TSHZ2: variants seen among roughly 807,000 people sequenced by gnomAD.
The protein encoded by TSHZ2 is teashirt homolog 2.
In TSHZ2, 21 loss-of-function variants were observed where a neutral mutation model predicts 74.4. The observed-to-expected ratio is 0.28, with a 90% CI of 0.20 to 0.41. The LOEUF is 0.41. Ranked by LOEUF, TSHZ2 falls within the 10% of genes least tolerant of loss-of-function variation. The pLI, the probability that TSHZ2 is intolerant of heterozygous loss-of-function variation, is 1.00. For missense variants in TSHZ2, 1,244 were observed against 1,293.5 expected (o/e 0.96, Z 0.59); for synonymous variants, 540 against 515.3 (o/e 1.05, Z -0.65).
intron 1 of TSHZ2, among the ~76,000 whole-genome samples, chr20:52,978,063 C>T (rs1568701288): frequency 6.6e-6 from 1 of 152,166 alleles, no homozygotes; most frequent in Non-Finnish European, 1.5e-5. Context: ...CCTGAAGCAG[C>T]TTGACTTTTG....
chr20:53,240,710 A>AGATT (rs1568829522), intron 1 of TSHZ2, among the ~76,000 whole-genome samples: 1 of 140,250 alleles, frequency 7.1e-6, no homozygotes. Context: ...GCATTAAAAT[A>AGATT]GATAGATAGA....
chr20:53,144,228 C>T, intron 1 of TSHZ2, among the ~76,000 whole-genome samples: 1 of 152,176 alleles, frequency 6.6e-6, no homozygotes, highest in East Asian at 1.9e-4. Context: ...GACTCCTAAA[C>T]CATAGTTTCT....
At chr20:53,430,177 T>C (rs1382512500) in intron 2 of TSHZ2, among the ~76,000 whole-genome samples, 1 of 152,176 alleles carries the variant, frequency 6.6e-6, no homozygotes, top group East Asian at 1.9e-4. Context: ...CTGTGTTGGC[T>C]CACTGCAACC....
chr20:52,983,840 A>G (rs929973063), intron 1 of TSHZ2, among the ~76,000 whole-genome samples: 1 of 152,150 alleles, frequency 6.6e-6, no homozygotes, highest in African/African-American at 2.4e-5. Flanking sequence ...CCTGAGGTTC[A>G]GCCTCTCCCT....
At chr20:53,109,704 G>A (rs1001086989) in intron 1 of TSHZ2, among the ~76,000 whole-genome samples, 4 of 152,218 alleles carry the variant, frequency 2.6e-5, no homozygotes, top group Middle Eastern at 3.4e-3. Context: ...ATGTAGTTGC[G>A]GCTGCTGTTG....
At chr20:53,483,875 T>C (rs1004619676) in intron 2 of TSHZ2, among the ~76,000 whole-genome samples, 13 of 152,320 alleles carry the variant, frequency 8.5e-5, no homozygotes, top group Middle Eastern at 3.4e-3. Context: ...TGATTTAATG[T>C]GGAGCCACTT....
At chr20:53,270,101 G>C (rs1038324733) in intron 2 of TSHZ2, among the ~76,000 whole-genome samples, 1 of 152,130 alleles carries the variant, frequency 6.6e-6, no homozygotes, top group Admixed American at 6.5e-5. Context: ...GTATGGTGGA[G>C]ATGCCTTTGG....
At chr20:53,167,811 C>T (rs907172146) in intron 1 of TSHZ2, among the ~76,000 whole-genome samples, 4 of 152,028 alleles carry the variant, frequency 2.6e-5, no homozygotes, top group Admixed American at 1.3e-4. Flanking sequence ...TTACGTCCCC[C>T]GTAGAGTCAT....
chr20:53,073,903 T>G (rs1600677153), intron 1 of TSHZ2, among the ~76,000 whole-genome samples: 1 of 152,242 alleles, frequency 6.6e-6, no homozygotes, highest in Non-Finnish European at 1.5e-5. Flanking sequence ...AAGTAGACAC[T>G]ATTAATTATA....
At chr20:53,436,812 A>G (rs1165155907) in intron 2 of TSHZ2, among the ~76,000 whole-genome samples, 1 of 151,852 alleles carries the variant, frequency 6.6e-6, no homozygotes, top group Admixed American at 6.6e-5. Flanking sequence ...CGGCCTCCCA[A>G]GGTGCTGGGA....
At chr20:53,378,397 C>T (rs1164972050) in intron 2 of TSHZ2, among the ~76,000 whole-genome samples, 1 of 150,372 alleles carries the variant, frequency 6.7e-6, no homozygotes, top group Non-Finnish European at 1.5e-5. Flanking sequence ...TAATGCAGAG[C>T]ACAAGCTAAA....
intron 1 of TSHZ2, among the ~76,000 whole-genome samples, chr20:53,235,253 T>A (rs1415450172): frequency 6.6e-6 from 1 of 152,030 alleles, no homozygotes; most frequent in East Asian, 1.9e-4. Context: ...CTGCAACCTC[T>A]GCCTCTTGGG....
rs1278893509 is a variant in TSHZ2, at chr20:53,227,771, C to A, written c.41-25728C>A. Among the ~76,000 whole-genome samples, 4 of 152,096 alleles carry A rather than the reference C, an allele frequency of 2.6e-5. No homozygotes were observed. In the East Asian group the frequency reaches 7.7e-4, roughly 29 times the overall value. ...TTGCTCTGATACACTAAACATTTGT[C>A]TGATGTTAGTTGAACTTGAATGGAT... On this transcript the variant is annotated intron_variant, in intron 1 of 2. Transcript: ENST00000371497.
At chr20:53,444,640 CTG>C (rs1477522651) in intron 2 of TSHZ2, among the ~76,000 whole-genome samples, 6 of 152,232 alleles carry the variant, frequency 3.9e-5, no homozygotes, top group African/African-American at 9.6e-5. Context: ...GCCTCCTCAA[CTG>C]TGCAAACCCG....
At chr20:53,425,856 A>G (rs1443776902) in intron 2 of TSHZ2, among the ~76,000 whole-genome samples, 1 of 151,994 alleles carries the variant, frequency 6.6e-6, no homozygotes, top group Non-Finnish European at 1.5e-5. Context: ...CACCTGGGTC[A>G]TACAGAAACA....
chr20:53,050,101 G>GTATATATATATATA (rs1213487235), intron 1 of TSHZ2, among the ~76,000 whole-genome samples: 15 of 60,452 alleles, frequency 2.5e-4, no homozygotes, highest in African/African-American at 2.2e-3. Context: ...ATGTATATGT[G>GTATATATATATATA]TGTATATATA....
chr20:53,022,710 G>A (rs1007546952), intron 1 of TSHZ2, among the ~76,000 whole-genome samples: 4 of 152,120 alleles, frequency 2.6e-5, no homozygotes, highest in South Asian at 4.1e-4. Flanking sequence ...AATAATTTAC[G>A]TGTAATCGTG....
At position 53,094,632 on chromosome 20, in the gene TSHZ2, A is replaced by G. The variant is rs144769206; in HGVS notation, c.40+121299A>G. The stretch of plus-strand genomic sequence containing the variant: ...TACATCTGCCTGGCGTACTCTTGCT[A>G]ACCTTCCACACAGCGTGCTGAGAGT... On this transcript the variant is annotated intron_variant, in intron 1 of 2. Coordinates refer to ENST00000371497, the MANE Select transcript of TSHZ2 (RefSeq NM_173485.6). 2.0e-5 allele frequency among the ~76,000 whole-genome samples: 3 copies of G among 152,324 alleles called. No homozygotes were observed. The East Asian group carries it at 5.8e-4, about 29-fold the overall frequency.
chr20:53,382,683 G>T (rs565498608), intron 2 of TSHZ2, among the ~76,000 whole-genome samples: 214 of 152,316 alleles, frequency 1.4e-3, no homozygotes, highest in Non-Finnish European at 1.8e-3. Context: ...TTCCTGTCTG[G>T]ATTATATCAC....
Sources: gnomAD v4.1 joint callset for allele counts (sites outside exome capture counted in the v4.1 genomes callset) on GRCh38, gnomAD v4.1.1 for gene constraint, MANE v1.5 for transcripts, NCBI Gene and HGNC (gene_info 2026-07-23, HGNC 2026-07-21) for gene names.